The following AUTS2 variants were observed in gnomAD, a reference collection of about 807,000 sequenced individuals.
AUTS2 encodes activator of transcription and developmental regulator AUTS2.
A neutral mutation model predicts 112.4 loss-of-function variants in AUTS2; 17 were observed. The ratio of observed to expected loss-of-function variants is 0.15; its 90% confidence interval spans 0.10 to 0.23. AUTS2 has a LOEUF of 0.23. AUTS2 is among the 10% of genes least tolerant of loss of function. The pLI, the probability that AUTS2 is intolerant of heterozygous loss-of-function variation, is 1.00. For synonymous variants in AUTS2, 751 were observed against 702.7 expected, an observed-to-expected ratio of 1.07 and a Z score of -1.09; for missense variants, 1,510 against 1,701.6, an observed-to-expected ratio of 0.89 and a Z score of 1.98.
intron 4 of AUTS2, among the ~76,000 whole-genome samples, chr7:70,389,188 G>A (rs1793741577): frequency 1.3e-5 from 2 of 152,040 alleles, no homozygotes; most frequent in African/African-American, 4.8e-5. Context: ...AGCAAATTTA[G>A]CCACAGTGTG....
chr7:70,433,417 G>A (rs888581827), intron 4 of AUTS2, among the ~76,000 whole-genome samples: 3 of 152,258 alleles, frequency 2.0e-5, no homozygotes, highest in South Asian at 4.2e-4. Flanking sequence ...TGAATTGAGC[G>A]TTGTCACTCT....
At chr7:70,432,803 G>A (rs1795730237) in intron 4 of AUTS2, among the ~76,000 whole-genome samples, 1 of 152,192 alleles carries the variant, frequency 6.6e-6, no homozygotes, top group Admixed American at 6.5e-5. Context: ...CTGTAAATTG[G>A]ATGGTGCGCT....
chr7:70,239,941 C>T (rs755960605), intron 4 of AUTS2, among the ~76,000 whole-genome samples: 10 of 152,106 alleles, frequency 6.6e-5, no homozygotes, highest in Non-Finnish European at 1.0e-4. Context: ...ATTTAGAGGT[C>T]CTGTGGTTTA....
Position 70,689,939 on chromosome 7 carries a change from T to C in AUTS2, c.691-8630T>C, listed in dbSNP as rs114818393. Among the ~76,000 whole-genome samples the C allele has an allele frequency of 2.0e-3, 302 of 152,342 alleles. 2 individuals are homozygous for C. Among genetic ancestry groups the C allele is most frequent in the African/African-American group, 7.0e-3 (291 of 41,586 alleles). ...CCAGTAGAAGGCAAGGCTATGGCCA[T>C]TGTGGCCCTAATAAAATAGACTTTT... On this transcript the variant is annotated intron_variant, in intron 5 of 18. Transcript: ENST00000342771.
intron 5 of AUTS2, among the ~76,000 whole-genome samples, chr7:70,605,961 C>G (rs754921273): frequency 1.3e-5 from 2 of 152,214 alleles, no homozygotes; most frequent in African/African-American, 4.8e-5. Context: ...CAAGACAACT[C>G]ACAGCAGGTC....
At chr7:70,048,051 T>C (rs116952776) in intron 2 of AUTS2, among the ~76,000 whole-genome samples, 168 of 152,318 alleles carry the variant, frequency 1.1e-3, no homozygotes, top group Non-Finnish European at 1.9e-3. Context: ...AGGTGATAGC[T>C]GAAGGCATGG....
At chr7:69,970,367 T>A (rs1393074800) in intron 2 of AUTS2, among the ~76,000 whole-genome samples, 1 of 152,210 alleles carries the variant, frequency 6.6e-6, no homozygotes, top group African/African-American at 2.4e-5. Context: ...TTTAATTGGT[T>A]AGGTAGATAT....
intron 4 of AUTS2, among the ~76,000 whole-genome samples, chr7:70,222,681 C>T (rs1170562750): frequency 1.3e-5 from 2 of 151,664 alleles, no homozygotes; most frequent in African/African-American, 4.8e-5. Flanking sequence ...GAAATGACTT[C>T]ATGAATATCA....
At chr7:69,815,037 C>T (rs1464024964) in intron 1 of AUTS2, among the ~76,000 whole-genome samples, 1 of 152,160 alleles carries the variant, frequency 6.6e-6, no homozygotes, top group African/African-American at 2.4e-5. Flanking sequence ...TTGTAAATTA[C>T]CCTGGCTTTG....
Position 70,762,905 on chromosome 7 carries a change from G to T in AUTS2, c.778G>T (p.Asp260Tyr). The T allele has an allele frequency of 1.2e-6, 2 of 1,614,050 alleles. No homozygotes were observed. The highest frequency in any genetic ancestry group is 1.3e-5 in the African/African-American group (1 of 75,022). ...ELGVGTLPEH[D>Y]SQDAGPIVPK... ...AGGTGTTGGCACGCTACCAGAACAT[G>T]ACAGCCAGGATGCAGGGCCGATTGT... The change falls in exon 7 of 19, where the codon GAC (aspartate) becomes TAC (tyrosine). Residue 260 changes from aspartate to tyrosine, a missense_variant. Coordinates refer to ENST00000342771, the MANE Select transcript of AUTS2 (RefSeq NM_015570.4).
intron 4 of AUTS2, among the ~76,000 whole-genome samples, chr7:70,276,711 G>A (rs986084690): frequency 6.6e-6 from 1 of 152,150 alleles, no homozygotes; most frequent in African/African-American, 2.4e-5. Context: ...AATATTATAA[G>A]TATTCCTTTA....
chr7:69,704,070 G>C (rs560907982), intron 1 of AUTS2, among the ~76,000 whole-genome samples: 1 of 152,164 alleles, frequency 6.6e-6, no homozygotes, highest in Admixed American at 6.5e-5. Context: ...TCTGTCACTT[G>C]CATTTGCCCC....
chr7:69,627,447 C>A (rs555491769), intron 1 of AUTS2, among the ~76,000 whole-genome samples: 1 of 151,958 alleles, frequency 6.6e-6, no homozygotes, highest in South Asian at 2.1e-4. Context: ...ACTGAGATCA[C>A]GCCATTGCAC....
intron 4 of AUTS2, among the ~76,000 whole-genome samples, chr7:70,389,140 A>G (rs753860222): frequency 2.0e-5 from 3 of 152,148 alleles, no homozygotes; most frequent in Non-Finnish European, 4.4e-5. Context: ...GCATAATCTA[A>G]GTTTTGATTT....
chr7:70,260,968 C>T lies in AUTS2; in HGVS notation c.660+126397C>T, dbSNP rs190374013. On this transcript the variant is annotated intron_variant, in intron 4 of 18. Transcript: ENST00000342771. ...TTCACCATGTTGGCCAGGATGGTCTCGATCCCCTAACCTTGTGATCCACCC... is the reference window on the plus strand; with the variant it reads ...TTCACCATGTTGGCCAGGATGGTCTTGATCCCCTAACCTTGTGATCCACCC... Among the ~76,000 whole-genome samples the T allele has an allele frequency of 4.1e-3, 624 of 152,076 alleles. 5 individuals carry two copies. The highest frequency in any genetic ancestry group is 0.014 in the African/African-American group (579 of 41,506).
chr7:69,793,472 G>A (rs987200620), intron 1 of AUTS2, among the ~76,000 whole-genome samples: 1 of 152,122 alleles, frequency 6.6e-6, no homozygotes, highest in African/African-American at 2.4e-5. Flanking sequence ...CAGAACTATG[G>A]CAGACTTAGT....
At chr7:70,027,130 G>A (rs1234004789) in intron 2 of AUTS2, among the ~76,000 whole-genome samples, 1 of 152,112 alleles carries the variant, frequency 6.6e-6, no homozygotes, top group African/African-American at 2.4e-5. Flanking sequence ...AAGGTCAGGT[G>A]TATCAGATGC....
chr7:70,563,642 C>T (rs183002678), intron 5 of AUTS2, among the ~76,000 whole-genome samples: 1 of 152,244 alleles, frequency 6.6e-6, no homozygotes, highest in Admixed American at 6.5e-5. Flanking sequence ...GGATTGGGCC[C>T]ACCAGGTATT....
Position 70,115,367 on chromosome 7 carries a change from G to T in AUTS2, c.523-2765G>T, listed in dbSNP as rs538505818. 1.4e-4 allele frequency among the ~76,000 whole-genome samples: 22 copies of T among 152,294 alleles called. 1 individual carries two copies. In the East Asian group the frequency reaches 4.2e-3, roughly 29 times the overall value. On this transcript the variant is annotated intron_variant, in intron 2 of 18. Coordinates refer to ENST00000342771, the MANE Select transcript of AUTS2 (RefSeq NM_015570.4). Reference sequence around the variant, plus strand: ...TATTAGTTTTTTAAATAGAGACGGGGTCTTGTTATGTTTTCTGGGCTGGTC... The same window carrying T: ...TATTAGTTTTTTAAATAGAGACGGGTTCTTGTTATGTTTTCTGGGCTGGTC...
Sources: gnomAD v4.1 joint callset for allele counts (sites outside exome capture counted in the v4.1 genomes callset) on GRCh38, gnomAD v4.1.1 for gene constraint, MANE v1.5 for transcripts, NCBI Gene and HGNC (gene_info 2026-07-23, HGNC 2026-07-21) for gene names.